Variants in ZNF791 observed in about 807,000 individuals in gnomAD.
The protein encoded by ZNF791 is zinc finger protein 791.
A neutral mutation model predicts 11.5 loss-of-function variants in ZNF791; 4 were observed. The ratio of observed to expected loss-of-function variants is 0.35; its 90% CI spans 0.17 to 0.80. The LOEUF is 0.80. Ranked by LOEUF, ZNF791 falls within the 30% of genes least tolerant of loss-of-function variation. ZNF791 has a pLI of 0.53. For missense variants in ZNF791, 559 were observed against 699.4 expected, an observed-to-expected ratio of 0.80 and a Z score of 2.26; for synonymous variants, 212 against 228.1, an observed-to-expected ratio of 0.93 and a Z score of 0.64.
In ZNF791 at chr19:12,629,241, T is replaced by A. The variant is rs780174947; in HGVS notation, c.1712T>A (p.Met571Lys). The stretch of plus-strand genomic sequence containing the variant: ...GTGTCCACATCCTTAAAAAAACATA[T>A]GAGAATGCACAATCGATAGAAACTC... Reference protein sequence around the residue: ...FSVSTSLKKHMRMHNR With the variant: ...FSVSTSLKKHKRMHNR The change falls in exon 4 of 4, where the codon ATG becomes AAG. Residue 571 changes from methionine (M) to lysine (K), a missense_variant. Met to Lys is a moderately conservative substitution (Grantham distance 95). Transcript: ENST00000343325. 1.3e-6 allele frequency: 2 copies of A among 1,488,524 alleles called. No homozygotes were observed. The highest frequency in any genetic ancestry group is 1.8e-6 in the Non-Finnish European group (2 of 1,118,816). The allele number at this position is 1,488,524 out of a possible 1,614,324, so 92.2% of individuals were successfully genotyped here. A position where few individuals can be genotyped will look rare whatever the true frequency, so the allele number is the denominator to read the frequency against.
Position 12,620,754 on chromosome 19 carries a change from C to CTTTTTTTTTTTTTTTTTT in ZNF791, c.4-2939_4-2922dup, listed in dbSNP as rs1051381342. 1.9e-4 allele frequency among the ~76,000 whole-genome samples: 16 copies of CTTTTTTTTTTTTTTTTTT among 83,452 alleles called. 3 individuals are homozygous for CTTTTTTTTTTTTTTTTTT. The highest frequency in any genetic ancestry group is 8.0e-4 in the African/African-American group (15 of 18,668). 54.7% of individuals were successfully genotyped at this position (83,452 alleles called of 152,430 possible). A position where few individuals can be genotyped will look rare whatever the true frequency, so the allele number is the denominator to read the frequency against. ...AAACTGGAGAAAGGGGATTTATGTTCTTTTTTTTTTTTTTTTTTTTTTTTG... is the reference window on the plus strand; with the variant it reads ...AAACTGGAGAAAGGGGATTTATGTTCTTTTTTTTTTTTTTTTTTTTTTTTTTTTTTTTTTTTTTTTTTG... On this transcript the variant is annotated intron_variant, in intron 1 of 3. Transcript: ENST00000343325.
intron 2 of ZNF791, 48 bp downstream of exon 2, chr19:12,623,874 G>GGAT: frequency 1.1e-6 from 1 of 948,382 alleles, no homozygotes. Flanking sequence ...TTTTTTTGGG[G>GGAT]GGGGACAGAG....
Position 12,610,996 on chromosome 19 carries a change from T to G in ZNF791, c.-84T>G. The G allele has an allele frequency of 6.3e-7, 1 of 1,589,692 alleles. No individual in the cohort carries two copies. The highest frequency in any genetic ancestry group is 1.1e-5 in the South Asian group (1 of 90,384). On this transcript the variant is annotated 5_prime_UTR_variant, in exon 1 of 4. Coordinates refer to ENST00000343325, the MANE Select transcript of ZNF791 (RefSeq NM_153358.3). Reference sequence around the variant, plus strand: ...CTGGCCCCTTGACGCGTCAGGTTGCTGTACCCCTGCATCGGATGCGCTGTA... The same window carrying G: ...CTGGCCCCTTGACGCGTCAGGTTGCGGTACCCCTGCATCGGATGCGCTGTA...
intron 1 of ZNF791, among the ~76,000 whole-genome samples, chr19:12,612,801 G>A (rs1443200141): frequency 7.8e-6 from 1 of 127,398 alleles, no homozygotes; most frequent in Non-Finnish European, 1.6e-5. Flanking sequence ...AAGTAATTCT[G>A]CTGGATTTTT....
chr19:12,620,177 A>G (rs1030883905), intron 1 of ZNF791, among the ~76,000 whole-genome samples: 1 of 151,966 alleles, frequency 6.6e-6, no homozygotes, highest in Non-Finnish European at 1.5e-5. Context: ...TGCTGGGATT[A>G]CAGGTGTGAG....
chr19:12,624,772 G>A (rs1427296099), intron 3 of ZNF791, 62 bp downstream of exon 3: 36 of 1,337,518 alleles, frequency 2.7e-5, no homozygotes, highest in Non-Finnish European at 3.5e-5. Flanking sequence ...TGTTATGGCC[G>A]GGCACGGTGG....
rs1428872918 is a variant in ZNF791 at position 12,628,005 on chromosome 19, C to G, written c.476C>G (p.Pro159Arg). 2.5e-6 allele frequency: 4 copies of G among 1,613,436 alleles called. No individual in the cohort carries two copies. In the African/African-American group the frequency reaches 4.0e-5, roughly 16 times the overall value. Residue 159 changes from proline (P) to arginine (R), a missense_variant, in exon 4 of 4, where the codon CCC (proline) becomes CGC (arginine). Physicochemically the swap from Pro to Arg is moderately radical, Grantham distance 103. Transcript: ENST00000343325. The stretch of plus-strand genomic sequence containing the variant: ...GAAAGGAGTCACACTGGAGAAAAAC[C>G]CTATAAATGTAAACAATGTGGAAAA... ...RHERSHTGEK[P>R]YKCKQCGKTF...
chr19:12,616,237 G>A (rs1189541834), intron 1 of ZNF791, among the ~76,000 whole-genome samples: 2 of 152,154 alleles, frequency 1.3e-5, no homozygotes, highest in African/African-American at 2.4e-5. Context: ...GGTGAGGGGT[G>A]TGTTCAGGTC....
chr19:12,628,820 A>G lies in ZNF791; in HGVS notation c.1291A>G (p.Met431Val), dbSNP rs756688308. The G allele has an allele frequency of 1.2e-6, 2 of 1,614,134 alleles. No homozygotes were observed. Among genetic ancestry groups the G allele is most frequent in the South Asian group, 1.1e-5 (1 of 91,082 alleles). ...TTCTCTTGAGAACTTTCGAAGACACATGATCACCCACACTGGAGACGGACC... is the reference window on the plus strand; with the variant it reads ...TTCTCTTGAGAACTTTCGAAGACACGTGATCACCCACACTGGAGACGGACC... ...FISLENFRRH[M>V]ITHTGDGPYK... The change falls in exon 4 of 4, where the codon ATG becomes GTG. Residue 431 changes from methionine (M) to valine (V), a missense_variant. Met to Val is a conservative substitution (Grantham distance 21). Transcript: ENST00000343325.
At chr19:12,626,771 ATT>A (rs1176295283) in intron 3 of ZNF791, among the ~76,000 whole-genome samples, 14 of 149,540 alleles carry the variant, frequency 9.4e-5, no homozygotes, top group Admixed American at 4.7e-4. Context: ...CGCCCGGCTA[ATT>A]TTTTTGTATT....
chr19:12,619,892 A>G (rs1204058571), intron 1 of ZNF791, among the ~76,000 whole-genome samples: 1 of 146,930 alleles, frequency 6.8e-6, no homozygotes. Flanking sequence ...AAGGCTATAT[A>G]TGAAATCTTT....
At chr19:12,611,609 T>C (rs564879953) in intron 1 of ZNF791, among the ~76,000 whole-genome samples, 31 of 152,338 alleles carry the variant, frequency 2.0e-4, no homozygotes, top group African/African-American at 7.5e-4. Flanking sequence ...CGCAGTATTT[T>C]AATAATCTTT....
At chr19:12,618,532 T>C (rs554090264) in intron 1 of ZNF791, among the ~76,000 whole-genome samples, 1 of 151,740 alleles carries the variant, frequency 6.6e-6, no homozygotes, top group South Asian at 2.1e-4. Flanking sequence ...AGGCCGAGTG[T>C]GGTGGCTCGC....
At chr19:12,623,873 G>GGTT in intron 2 of ZNF791, 47 bp downstream of exon 2, 1 of 991,746 alleles carries the variant, frequency 1.0e-6, no homozygotes, top group Admixed American at 3.0e-5. Flanking sequence ...TTTTTTTTGG[G>GGTT]GGGGGACAGA....
intron 1 of ZNF791, among the ~76,000 whole-genome samples, chr19:12,616,561 C>T (rs539842543): frequency 5.9e-5 from 9 of 152,268 alleles, no homozygotes; most frequent in Admixed American, 4.6e-4. Context: ...ATGTGGGTGG[C>T]ACACCCCTGT....
At chr19:12,626,093 T>TC (rs2023424483) in intron 3 of ZNF791, among the ~76,000 whole-genome samples, 1 of 152,190 alleles carries the variant, frequency 6.6e-6, no homozygotes, top group African/African-American at 2.4e-5. Flanking sequence ...CTCGGCTCAC[T>TC]GCAACCTCCC....
chr19:12,613,442 G>A (rs8101502), intron 1 of ZNF791, among the ~76,000 whole-genome samples: 5 of 152,120 alleles, frequency 3.3e-5, no homozygotes, highest in East Asian at 1.9e-4. Context: ...TTAGCTGGGC[G>A]TGGAGGCGGG....
In ZNF791 at chr19:12,623,780, C is replaced by A. The variant is rs2023386163; in HGVS notation, c.84C>A (p.Leu28=). Residue 28 remains leucine (L), a synonymous_variant, in exon 2 of 4, where the codon CTC becomes CTA. Transcript: ENST00000343325. ...TGCTGGCTCCTTCACAGAAGAAACT[C>A]TACAGAGATGTGATGCAGGAAACAT... is the stretch of plus-strand genomic sequence containing the variant. ...WALLAPSQKK[L]YRDVMQETFK... is the part of the protein sequence containing the mutation. 6.2e-7 allele frequency: 1 copy of A among 1,609,812 alleles called. No homozygotes were observed.
intron 1 of ZNF791, among the ~76,000 whole-genome samples, chr19:12,612,848 T>C (rs1399930248): frequency 6.6e-6 from 1 of 150,940 alleles, no homozygotes; most frequent in Non-Finnish European, 1.5e-5. Flanking sequence ...AGTCTTGCTC[T>C]TTTGCCCAGG....
Sources: gnomAD v4.1 joint callset for allele counts (sites outside exome capture counted in the v4.1 genomes callset) on GRCh38, gnomAD v4.1.1 for gene constraint, MANE v1.5 for transcripts, NCBI Gene and HGNC (gene_info 2026-07-23, HGNC 2026-07-21) for gene names.